LCOR: variants seen among roughly 807,000 people sequenced by gnomAD.
The protein encoded by LCOR is ligand-dependent corepressor.
In LCOR, 14 loss-of-function variants were observed where a neutral mutation model predicts 64.4. That is an observed-to-expected ratio of 0.22 (90% CI 0.14 to 0.34). The LOEUF is 0.34. Among genes scored for constraint, LCOR ranks in the 10% least tolerant of loss-of-function variants. LCOR has a pLI of 1.00. For synonymous variants in LCOR, 643 were observed against 642.5 expected (o/e 1.00, Z -0.01); for missense variants, 1,686 against 1,765.3 (o/e 0.96, Z 0.80).
At chr10:96,834,976 C>T (rs1845417095) in intron 2 of LCOR, among the ~76,000 whole-genome samples, 1 of 152,234 alleles carries the variant, frequency 6.6e-6, no homozygotes, top group African/African-American at 2.4e-5. Flanking sequence ...TCTCGGCTCA[C>T]TGCAACCTCC....
At chr10:96,954,294 G>T (rs891542014) in intron 7 of LCOR, among the ~76,000 whole-genome samples, 3 of 152,028 alleles carry the variant, frequency 2.0e-5, no homozygotes, top group Non-Finnish European at 2.9e-5. Context: ...TTTTGGTTTG[G>T]TTTATTTGGG....
chr10:96,958,758 CTT>C (rs1336341789), intron 7 of LCOR: 1 of 265,200 alleles, frequency 3.8e-6, no homozygotes, highest in Non-Finnish European at 7.2e-6. Flanking sequence ...CTTTCTCTCT[CTT>C]TTTTTGAGTG....
In LCOR at chr10:96,982,790, A is replaced by G; in HGVS notation, c.2330A>G (p.Asp777Gly). 6.2e-7 allele frequency: 1 copy of G among 1,614,112 alleles called. No individual in the cohort carries two copies. Among genetic ancestry groups the G allele is most frequent in the Non-Finnish European group, 8.5e-7 (1 of 1,180,020 alleles). Residue 777 changes from aspartate (D) to glycine (G), a missense_variant, in exon 8 of 8, where the codon GAC (aspartate) becomes GGC (glycine). Transcript: ENST00000421806. ...AGGIGKLEGE[D>G]GDVKCLSEKD... ...GGTATAGGAAAATTAGAGGGAGAGGACGGTGATGTAAAATGCCTGTCAGAA... is the reference window on the plus strand; with the variant it reads ...GGTATAGGAAAATTAGAGGGAGAGGGCGGTGATGTAAAATGCCTGTCAGAA...
At chr10:96,950,352 C>T (rs1346408709) in intron 6 of LCOR, among the ~76,000 whole-genome samples, 1 of 152,090 alleles carries the variant, frequency 6.6e-6, no homozygotes, top group Non-Finnish European at 1.5e-5. Flanking sequence ...TGACAGGAGA[C>T]CTCCTACTTG....
intron 2 of LCOR, among the ~76,000 whole-genome samples, chr10:96,900,849 A>G (rs1365708958): frequency 6.6e-6 from 1 of 151,504 alleles, no homozygotes; most frequent in Admixed American, 6.6e-5. Context: ...AGAATTTTGT[A>G]AACACTGCTT....
chr10:96,879,570 G>A (rs1589626900), intron 2 of LCOR, among the ~76,000 whole-genome samples: 2 of 152,180 alleles, frequency 1.3e-5, no homozygotes, highest in Non-Finnish European at 2.9e-5. Context: ...ATATCTCATG[G>A]TGCTCTTAGG....
chr10:96,945,253 G>T (rs1302010671), intron 5 of LCOR, among the ~76,000 whole-genome samples: 2 of 152,128 alleles, frequency 1.3e-5, no homozygotes, highest in Non-Finnish European at 2.9e-5. Flanking sequence ...TTGGTTAAAA[G>T]TCTGATAAGT....
chr10:96,941,998 T>TG (rs1269486780), intron 4 of LCOR, among the ~76,000 whole-genome samples: 12 of 98,666 alleles, frequency 1.2e-4, no homozygotes, highest in East Asian at 2.7e-4. Context: ...TCCCAGACGA[T>TG]GGGGGGGCAG....
chr10:96,924,560 T>G (rs541178163), intron 4 of LCOR, among the ~76,000 whole-genome samples: 1 of 152,088 alleles, frequency 6.6e-6, no homozygotes, highest in Non-Finnish European at 1.5e-5. Context: ...AAATTTTTTA[T>G]TTTGAAGTAA....
chr10:96,898,712 GTTTGT>G (rs993995117), intron 2 of LCOR, among the ~76,000 whole-genome samples: 2 of 152,096 alleles, frequency 1.3e-5, no homozygotes, highest in Non-Finnish European at 2.9e-5. Flanking sequence ...TTTCAGGGTT[GTTTGT>G]TTTGTTTTGT....
chr10:96,957,044 A>G (rs1223762472), intron 7 of LCOR: 2 of 985,290 alleles, frequency 2.0e-6, no homozygotes, highest in Non-Finnish European at 2.4e-6. Context: ...AAAAACCCCA[A>G]GGTAACCCGA....
intron 7 of LCOR, chr10:96,963,112 A>G (rs183869795): frequency 4.2e-4 from 64 of 152,344 alleles, no homozygotes; most frequent in African/African-American, 1.5e-3. Context: ...AAAGCTGCAT[A>G]TAACTCTCCA....
At chr10:96,872,875 T>C (rs1372225308) in intron 2 of LCOR, among the ~76,000 whole-genome samples, 1 of 152,198 alleles carries the variant, frequency 6.6e-6, no homozygotes, top group Admixed American at 6.5e-5. Context: ...TCATTTCAGA[T>C]GAGACTTGTA....
chr10:96,935,971 G>A (rs936413913), intron 4 of LCOR, among the ~76,000 whole-genome samples: 1 of 152,248 alleles, frequency 6.6e-6, no homozygotes, highest in Non-Finnish European at 1.5e-5. Flanking sequence ...CATCATATTC[G>A]TAGCAACAGG....
chr10:96,901,245 C>T (rs1004075712), intron 2 of LCOR, among the ~76,000 whole-genome samples: 2 of 152,196 alleles, frequency 1.3e-5, no homozygotes, highest in African/African-American at 4.8e-5. Flanking sequence ...GGTCAAACCC[C>T]TGGACTCAAG....
chr10:96,858,223 G>A (rs924303328), intron 2 of LCOR, among the ~76,000 whole-genome samples: 13 of 152,140 alleles, frequency 8.5e-5, no homozygotes, highest in Non-Finnish European at 2.9e-5. Context: ...CACTTGAAAC[G>A]TGACCTTTAA....
At chr10:96,948,369 T>C (rs1433021583) in intron 5 of LCOR, among the ~76,000 whole-genome samples, 2 of 152,272 alleles carry the variant, frequency 1.3e-5, no homozygotes, top group African/African-American at 2.4e-5. Context: ...TCTAAGAACT[T>C]GTTAGAATGC....
intron 2 of LCOR, among the ~76,000 whole-genome samples, chr10:96,845,793 A>G (rs536063744): frequency 6.7e-4 from 102 of 151,982 alleles, no homozygotes; most frequent in Non-Finnish European, 1.4e-3. Context: ...ATTACAGTAA[A>G]ATACTGTAAT....
At chr10:96,980,176 T>G (rs896149566) in intron 7 of LCOR, among the ~76,000 whole-genome samples, 1 of 150,634 alleles carries the variant, frequency 6.6e-6, no homozygotes, top group Non-Finnish European at 1.5e-5. Context: ...AAAAAAAAAC[T>G]GTAAGTTCTG....
Sources: gnomAD v4.1 joint callset for allele counts (sites outside exome capture counted in the v4.1 genomes callset) on GRCh38, gnomAD v4.1.1 for gene constraint, MANE v1.5 for transcripts, NCBI Gene and HGNC (gene_info 2026-07-23, HGNC 2026-07-21) for gene names.